The following HS3ST4 variants were observed in gnomAD, a reference collection of about 807,000 sequenced individuals.
HS3ST4 encodes the protein heparan sulfate glucosamine 3-O-sulfotransferase 4.
Under a neutral mutation model 29.2 loss-of-function variants are expected in HS3ST4, and 17 were observed. The observed-to-expected ratio is 0.58, with a 90% CI of 0.40 to 0.87. The LOEUF is 0.87. Ranked by LOEUF, HS3ST4 falls within the 40% of genes least tolerant of loss-of-function variation. The pLI is 0.00. For synonymous variants in HS3ST4, 314 were observed against 285.7 expected, an observed-to-expected ratio of 1.10 and a Z score of -1.00; for missense variants, 627 against 634.5, an observed-to-expected ratio of 0.99 and a Z score of 0.13.
chr16:25,743,769 G>T (rs749617560), intron 1 of HS3ST4, among the ~76,000 whole-genome samples: 1 of 152,174 alleles, frequency 6.6e-6, no homozygotes, highest in Admixed American at 6.5e-5. Context: ...GCCTCCCAAA[G>T]TGCTGGGATT....
intron 1 of HS3ST4, among the ~76,000 whole-genome samples, chr16:26,117,890 T>C (rs955368501): frequency 5.9e-5 from 9 of 152,254 alleles, no homozygotes; most frequent in Non-Finnish European, 1.3e-4. Flanking sequence ...TCTGCCATTA[T>C]GGTGCTTGAT....
intron 1 of HS3ST4, among the ~76,000 whole-genome samples, chr16:25,883,259 C>A (rs1054238092): frequency 2.0e-5 from 3 of 150,352 alleles, no homozygotes; most frequent in Non-Finnish European, 4.4e-5. Flanking sequence ...ACTCAAAAGA[C>A]AGGCTCTTGA....
intron 1 of HS3ST4, among the ~76,000 whole-genome samples, chr16:25,903,425 T>A (rs1968142331): frequency 6.7e-6 from 1 of 149,530 alleles, no homozygotes; most frequent in African/African-American, 2.4e-5. Flanking sequence ...ACTCTCATGT[T>A]TGAATGCTGT....
chr16:26,051,571 T>G (rs1194526368), intron 1 of HS3ST4, among the ~76,000 whole-genome samples: 3 of 152,064 alleles, frequency 2.0e-5, no homozygotes, highest in Non-Finnish European at 4.4e-5. Flanking sequence ...AGACCAGAAG[T>G]AAGACAGTTG....
At chr16:26,120,690 A>G (rs1899263937) in intron 1 of HS3ST4, among the ~76,000 whole-genome samples, 1 of 152,224 alleles carries the variant, frequency 6.6e-6, no homozygotes, top group South Asian at 2.1e-4. Context: ...AAGTTTCTGC[A>G]GCCAGGCATG....
At position 26,130,896 on chromosome 16, in the gene HS3ST4, A is replaced by G. The variant is rs551094170; in HGVS notation, c.735-4716A>G. Among the ~76,000 whole-genome samples the G allele has an allele frequency of 3.3e-5, 5 of 152,296 alleles. 1 individual carries two copies. The South Asian group carries it at 8.3e-4, about 25-fold the overall frequency. ...CCTCCTGTGTCAACATGATTACTCA[A>G]TCCCTCCACCTGGGTATGTAGGACA... On this transcript the variant is annotated intron_variant, in intron 1 of 1. Transcript: ENST00000331351.
intron 1 of HS3ST4, among the ~76,000 whole-genome samples, chr16:26,119,875 A>G (rs1003134715): frequency 3.9e-5 from 6 of 152,174 alleles, no homozygotes; most frequent in African/African-American, 1.4e-4. Context: ...GGCAATGAAC[A>G]TATGAACAAG....
chr16:25,978,835 G>C (rs1406859160), intron 1 of HS3ST4, among the ~76,000 whole-genome samples: 1 of 152,056 alleles, frequency 6.6e-6, no homozygotes, highest in Non-Finnish European at 1.5e-5. Context: ...AGGAAGCCCT[G>C]AATGAGAGAA....
intron 1 of HS3ST4, among the ~76,000 whole-genome samples, chr16:26,123,764 A>T (rs1230827741): frequency 6.6e-6 from 1 of 152,146 alleles, no homozygotes; most frequent in Non-Finnish European, 1.5e-5. Context: ...AGAACATGCG[A>T]TATTTGGTTT....
chr16:25,754,494 A>C (rs1237106733), intron 1 of HS3ST4, among the ~76,000 whole-genome samples: 3 of 151,154 alleles, frequency 2.0e-5, no homozygotes, highest in African/African-American at 7.3e-5. Flanking sequence ...CATCTGTACT[A>C]GCCCATTCTC....
At chr16:25,900,438 A>C (rs1426574523) in intron 1 of HS3ST4, among the ~76,000 whole-genome samples, 1 of 152,046 alleles carries the variant, frequency 6.6e-6, no homozygotes, top group Non-Finnish European at 1.5e-5. Context: ...TTCTGTATTT[A>C]TTTTGTTTTT....
intron 1 of HS3ST4, among the ~76,000 whole-genome samples, chr16:26,004,134 T>C (rs1237674692): frequency 6.6e-6 from 1 of 152,134 alleles, no homozygotes; most frequent in African/African-American, 2.4e-5. Context: ...CATGCCACCT[T>C]GTAGTCCTAA....
chr16:25,781,299 G>C (rs1240037476), intron 1 of HS3ST4, among the ~76,000 whole-genome samples: 1 of 152,162 alleles, frequency 6.6e-6, no homozygotes, highest in African/African-American at 2.4e-5. Flanking sequence ...CTGCTGATGG[G>C]TTTCTTTGGA....
chr16:26,116,967 C>T (rs942613791), intron 1 of HS3ST4, among the ~76,000 whole-genome samples: 1 of 152,214 alleles, frequency 6.6e-6, no homozygotes, highest in African/African-American at 2.4e-5. Context: ...TGAAACACTT[C>T]TGGTCCCAAG....
intron 1 of HS3ST4, among the ~76,000 whole-genome samples, chr16:25,726,030 T>C (rs1596553943): frequency 6.6e-6 from 1 of 152,202 alleles, no homozygotes; most frequent in East Asian, 1.9e-4. Flanking sequence ...CCATGCTTAC[T>C]ATGAATAATG....
At chr16:25,747,290 A>G (rs959156207) in intron 1 of HS3ST4, among the ~76,000 whole-genome samples, 3 of 152,250 alleles carry the variant, frequency 2.0e-5, no homozygotes, top group Admixed American at 6.5e-5. Context: ...TGGTGACACC[A>G]CAGGCATACA....
chr16:25,798,268 A>C (rs1966900412), intron 1 of HS3ST4, among the ~76,000 whole-genome samples: 1 of 152,208 alleles, frequency 6.6e-6, no homozygotes, highest in South Asian at 2.1e-4. Flanking sequence ...GTAGTGTATC[A>C]GTCAGTTTAG....
chr16:26,106,207 A>C (rs1479574915), intron 1 of HS3ST4, among the ~76,000 whole-genome samples: 2 of 152,100 alleles, frequency 1.3e-5, no homozygotes, highest in South Asian at 2.1e-4. Context: ...TCCCTTTTAC[A>C]ATAGTTGGCC....
intron 1 of HS3ST4, among the ~76,000 whole-genome samples, chr16:25,805,063 C>A (rs1372911873): frequency 6.6e-6 from 1 of 151,956 alleles, no homozygotes; most frequent in South Asian, 2.1e-4. Context: ...GTGTTAAGAC[C>A]CCAGAGCTTG....
Sources: gnomAD v4.1 joint callset for allele counts (sites outside exome capture counted in the v4.1 genomes callset) on GRCh38, gnomAD v4.1.1 for gene constraint, MANE v1.5 for transcripts, NCBI Gene and HGNC (gene_info 2026-07-23, HGNC 2026-07-21) for gene names.